PRKG1: variants seen among roughly 807,000 people sequenced by gnomAD.
PRKG1 encodes protein kinase cGMP-dependent 1, also known as cGMP-dependent protein kinase 1.
A neutral mutation model predicts 88.1 loss-of-function variants in PRKG1; 35 were observed. That is an observed-to-expected ratio of 0.40 (90% CI 0.30 to 0.53). The LOEUF is 0.53. PRKG1 is among the 20% of genes least tolerant of loss of function. The pLI is 0.59. For synonymous variants in PRKG1, 303 were observed against 292.5 expected (o/e 1.04, Z -0.37); for missense variants, 540 against 839.8 (o/e 0.64, Z 4.41).
intron 5 of PRKG1, among the ~76,000 whole-genome samples, chr10:52,001,378 A>G (rs72801477): frequency 0.44 from 67,189 of 151,174 alleles, 15,322 homozygotes; most frequent in African/African-American, 0.54. Context: ...AAAAAAAAAC[A>G]TAACTATGTG....
At chr10:51,433,164 A>G (rs1452308674) in intron 2 of PRKG1, among the ~76,000 whole-genome samples, 2 of 152,138 alleles carry the variant, frequency 1.3e-5, no homozygotes, top group Non-Finnish European at 2.9e-5. Flanking sequence ...AATTAGATGG[A>G]TCCCTGGTTC....
intron 12 of PRKG1, among the ~76,000 whole-genome samples, chr10:52,278,796 G>A (rs1315808263): frequency 3.3e-5 from 5 of 151,898 alleles, no homozygotes; most frequent in South Asian, 2.1e-4. Context: ...CCAGCTACTC[G>A]GGAGGCTGAG....
chr10:51,093,384 T>C (rs1844444116), intron 1 of PRKG1, among the ~76,000 whole-genome samples: 1 of 152,140 alleles, frequency 6.6e-6, no homozygotes, highest in East Asian at 1.9e-4. Flanking sequence ...CAGTTTATCC[T>C]GGTGCCCAAA....
chr10:51,979,636 G>A (rs1013900212), intron 5 of PRKG1, among the ~76,000 whole-genome samples: 3 of 121,674 alleles, frequency 2.5e-5, no homozygotes, highest in African/African-American at 9.1e-5. Context: ...TTTTTTTAAG[G>A]TTGGTAGGCC....
intron 1 of PRKG1, among the ~76,000 whole-genome samples, chr10:51,034,777 C>A (rs1303777378): frequency 7.0e-6 from 1 of 143,724 alleles, no homozygotes; most frequent in African/African-American, 2.6e-5. Flanking sequence ...TTAGTTAAAT[C>A]TTTCCCCATT....
intron 2 of PRKG1, among the ~76,000 whole-genome samples, chr10:51,211,703 G>A (rs372608929): frequency 4.0e-4 from 61 of 152,072 alleles, no homozygotes; most frequent in Middle Eastern, 3.4e-3. Flanking sequence ...TCATGAGTGA[G>A]CTCCCATTCA....
intron 1 of PRKG1, among the ~76,000 whole-genome samples, chr10:51,098,754 TCA>T (rs1419589457): frequency 6.6e-6 from 1 of 152,216 alleles, no homozygotes; most frequent in Admixed American, 6.5e-5. Context: ...CACCTGTATG[TCA>T]CGCACATCCT....
At chr10:51,627,665 C>G (rs1021501773) in intron 3 of PRKG1, among the ~76,000 whole-genome samples, 1 of 152,136 alleles carries the variant, frequency 6.6e-6, no homozygotes, top group Non-Finnish European at 1.5e-5. Flanking sequence ...ATAGGTCAGG[C>G]TTTTGAAGTC....
intron 5 of PRKG1, among the ~76,000 whole-genome samples, chr10:52,015,988 C>T (rs909728714): frequency 9.2e-5 from 14 of 152,322 alleles, no homozygotes; most frequent in Admixed American, 5.9e-4. Context: ...TGGTCAAAAC[C>T]ATTAAACAAA....
intron 4 of PRKG1, among the ~76,000 whole-genome samples, chr10:51,889,625 A>G (rs1042023724): frequency 2.0e-5 from 3 of 152,178 alleles, no homozygotes; most frequent in Non-Finnish European, 1.5e-5. Flanking sequence ...TCCTTGAGGA[A>G]TCGCCACACT....
chr10:51,391,481 T>G (rs545904977), intron 2 of PRKG1, among the ~76,000 whole-genome samples: 2 of 152,232 alleles, frequency 1.3e-5, no homozygotes, highest in Non-Finnish European at 2.9e-5. Context: ...GAGGAAGATT[T>G]ATGGTTCTAT....
intron 3 of PRKG1, among the ~76,000 whole-genome samples, chr10:51,601,169 T>TA: frequency 6.6e-6 from 1 of 152,292 alleles, no homozygotes; most frequent in East Asian, 1.9e-4. Flanking sequence ...ACTTTAGTGT[T>TA]ACTTGTTCAC....
chr10:51,153,569 A>C (rs1846131458), intron 2 of PRKG1, among the ~76,000 whole-genome samples: 1 of 152,044 alleles, frequency 6.6e-6, no homozygotes, highest in Non-Finnish European at 1.5e-5. Context: ...AAAGTTAAAA[A>C]TGTGAAAAAA....
In PRKG1 at chr10:51,365,486, A is replaced by G. The variant is rs138610762; in HGVS notation, c.479-102237A>G. 7.3e-4 allele frequency among the ~76,000 whole-genome samples: 111 copies of G among 152,110 alleles called. No individual in the cohort carries two copies. The East Asian group carries it at 0.018, about 25-fold the overall frequency. On this transcript the variant is annotated intron_variant, in intron 2 of 17. Coordinates refer to ENST00000373980, the MANE Select transcript of PRKG1 (RefSeq NM_006258.4). ...TGGCTTCCAACTCTGGGTGCTTGAT[A>G]CATCTGTCTCTACAGTGGAGCAGTC...
chr10:51,442,242 G>A (rs912121360), intron 2 of PRKG1, among the ~76,000 whole-genome samples: 2 of 151,900 alleles, frequency 1.3e-5, no homozygotes, highest in Admixed American at 6.6e-5. Flanking sequence ...TTTAAGTGCT[G>A]TATCTTTGTC....
chr10:51,585,169 A>G (rs914159456), intron 3 of PRKG1, among the ~76,000 whole-genome samples: 3 of 152,090 alleles, frequency 2.0e-5, no homozygotes, highest in African/African-American at 7.2e-5. Context: ...AAAATTTAAG[A>G]GTGAATCTTC....
chr10:52,104,007 TA>T (rs35929215), intron 7 of PRKG1, among the ~76,000 whole-genome samples: 20 of 135,056 alleles, frequency 1.5e-4, no homozygotes, highest in South Asian at 1.2e-3. Flanking sequence ...TGTGTATATA[TA>T]ATATATATAT....
chr10:51,566,057 T>C (rs955609532), intron 3 of PRKG1, among the ~76,000 whole-genome samples: 1 of 151,726 alleles, frequency 6.6e-6, no homozygotes, highest in Non-Finnish European at 1.5e-5. Context: ...GATTAAAGAG[T>C]AAAGTAATTA....
chr10:51,722,250 T>C (rs569338362), intron 3 of PRKG1, among the ~76,000 whole-genome samples: 115 of 151,728 alleles, frequency 7.6e-4, no homozygotes, highest in Non-Finnish European at 5.0e-4. Flanking sequence ...AACAACAACA[T>C]AGTTTTCAAT....
Sources: gnomAD v4.1 joint callset for allele counts (sites outside exome capture counted in the v4.1 genomes callset) on GRCh38, gnomAD v4.1.1 for gene constraint, MANE v1.5 for transcripts, NCBI Gene and HGNC (gene_info 2026-07-23, HGNC 2026-07-21) for gene names.